Variants in ETFA observed in about 807,000 individuals in gnomAD.
ETFA encodes electron transfer flavoprotein subunit alpha, mitochondrial.
Under a neutral mutation model 46.2 loss-of-function variants are expected in ETFA, and 22 were observed. The ratio of observed to expected loss-of-function variants is 0.48; its 90% confidence interval spans 0.34 to 0.68. ETFA has a LOEUF of 0.68. ETFA is among the 30% of genes least tolerant of loss of function. The probability of loss-of-function intolerance (pLI) is 0.01; values close to 1 mark genes in which losing one functional copy is unlikely to be tolerated. For synonymous variants in ETFA, 131 were observed against 139.9 expected (o/e 0.94, Z 0.45); for missense variants, 345 against 401.1 (o/e 0.86, Z 1.19).
chr15:76,295,860 T>C, intron 1 of ETFA, 123 bp from the exon 2 acceptor site: 1 of 574,298 alleles, frequency 1.7e-6, no homozygotes, highest in South Asian at 2.8e-5. Context: ...AATATTATTC[T>C]ATAAATTTAT....
At chr15:76,266,939 A>T (rs1367679270) in intron 9 of ETFA, among the ~76,000 whole-genome samples, 1 of 152,194 alleles carries the variant, frequency 6.6e-6, no homozygotes, top group East Asian at 1.9e-4. Context: ...GAGATAATTT[A>T]AAAACCTTAA....
intron 9 of ETFA, among the ~76,000 whole-genome samples, chr15:76,256,715 A>G (rs765566764): frequency 4.6e-5 from 7 of 152,266 alleles, no homozygotes; most frequent in Admixed American, 3.3e-4. Flanking sequence ...GGTCAACATT[A>G]CACTGCATAT....
chr15:76,256,878 GTAACA>G (rs1192495516), intron 9 of ETFA, among the ~76,000 whole-genome samples: 1 of 152,132 alleles, frequency 6.6e-6, no homozygotes, highest in Non-Finnish European at 1.5e-5. Context: ...ATTGAGTACA[GTAACA>G]TACTATACAG....
chr15:76,280,917 C>CTTTTTTTTTTTTTTTTT (rs35907442), intron 8 of ETFA, among the ~76,000 whole-genome samples: 1 of 102,064 alleles, frequency 9.8e-6, no homozygotes, highest in Non-Finnish European at 1.8e-5. Context: ...GTTCAGATGT[C>CTTTTTTTTTTTTTTTTT]TTTTTTTTTT....
intron 8 of ETFA, among the ~76,000 whole-genome samples, chr15:76,276,372 TTTG>T (rs772878277): frequency 1.3e-5 from 2 of 152,164 alleles, no homozygotes; most frequent in Admixed American, 6.5e-5. Context: ...GGCTTCAGTA[TTTG>T]TTATTTTTTA....
At chr15:76,255,874 T>G (rs1027108143) in intron 9 of ETFA, among the ~76,000 whole-genome samples, 6 of 152,180 alleles carry the variant, frequency 3.9e-5, no homozygotes, top group South Asian at 2.1e-4. Flanking sequence ...CCAAACTCAC[T>G]GCATTCTTCA....
rs2039392522 is a variant in ETFA at position 76,260,179 on chromosome 15, C to T, written c.816+14233G>A. The T allele has an allele frequency of 2.1e-6, 3 of 1,427,484 alleles. No individual in the cohort carries two copies. The South Asian group carries it at 3.4e-5, about 16-fold the overall frequency. 88.4% of individuals were successfully genotyped at this position (1,427,484 alleles called of 1,614,324 possible). A position where few individuals can be genotyped will look rare whatever the true frequency, so the allele number is the denominator to read the frequency against. On this transcript the variant is annotated intron_variant, in intron 9 of 11. Coordinates refer to ENST00000557943, the MANE Select transcript of ETFA (RefSeq NM_000126.4). Reference sequence around the variant, plus strand: ...AACTGCTGCTCTGGGATGAGCACATCCTCCAGTTTTTCCTTTAGTTCGCTG... The same window carrying T: ...AACTGCTGCTCTGGGATGAGCACATTCTCCAGTTTTTCCTTTAGTTCGCTG...
At chr15:76,249,435 A>ATCTTTTT (rs35513183) in intron 9 of ETFA, among the ~76,000 whole-genome samples, 1 of 74,806 alleles carries the variant, frequency 1.3e-5, no homozygotes, top group Non-Finnish European at 2.6e-5. Context: ...GTCCATGGTA[A>ATCTTTTT]TTTTTTTTTT....
At chr15:76,267,793 A>G (rs776206542) in intron 9 of ETFA, among the ~76,000 whole-genome samples, 2 of 152,238 alleles carry the variant, frequency 1.3e-5, no homozygotes, top group Non-Finnish European at 2.9e-5. Flanking sequence ...ACAAAAGGAA[A>G]ATAAAAAGGC....
At chr15:76,300,208 C>T (rs1438251332) in intron 1 of ETFA, among the ~76,000 whole-genome samples, 2 of 152,168 alleles carry the variant, frequency 1.3e-5, no homozygotes, top group Non-Finnish European at 2.9e-5. Flanking sequence ...AAAGCTCTTT[C>T]CTAAGTGCTA....
chr15:76,227,529 G>T (rs7178627), intron 10 of ETFA, among the ~76,000 whole-genome samples: 4 of 33,872 alleles, frequency 1.2e-4, no homozygotes, highest in South Asian at 1.1e-3. Context: ...AAAAAAAAAA[G>T]GAAAAGCTAT....
At position 76,290,915 on chromosome 15, in the gene ETFA, A is replaced by G. The variant is rs143013369; in HGVS notation, c.351+1516T>C. Among the ~76,000 whole-genome samples the G allele has an allele frequency of 2.8e-3, 420 of 152,276 alleles. 1 individual carries two copies. Among genetic ancestry groups the G allele is most frequent in the African/African-American group, 9.5e-3 (396 of 41,558 alleles). On this transcript the variant is annotated intron_variant, in intron 4 of 11. Coordinates refer to ENST00000557943, the MANE Select transcript of ETFA (RefSeq NM_000126.4). ...GTATTTGTGTACAACTTATTTTACA[A>G]TTTTTAAAAGTGAAAATAGGCTAAG...
intron 9 of ETFA, chr15:76,260,666 G>T: frequency 6.3e-7 from 1 of 1,577,694 alleles, no homozygotes; most frequent in Non-Finnish European, 8.7e-7. Context: ...AAGGGCCCTC[G>T]GGGATCACTT....
chr15:76,301,610 T>C (rs1299010838), intron 1 of ETFA, among the ~76,000 whole-genome samples: 1 of 152,176 alleles, frequency 6.6e-6, no homozygotes, highest in Non-Finnish European at 1.5e-5. Context: ...CTCAGGAGGC[T>C]AAGGCACAAG....
In ETFA at chr15:76,227,114, C is replaced by G. The variant is rs139167311; in HGVS notation, c.883-1185G>C. 5.2e-3 allele frequency among the ~76,000 whole-genome samples: 797 copies of G among 152,002 alleles called. 8 individuals are homozygous for G. The highest frequency in any genetic ancestry group is 0.018 in the African/African-American group (737 of 41,446). Reference sequence around the variant, plus strand: ...TTTGCTATAAAAATATTCTTAAATGCAGGCCAGGCATGGTAACTCATACCT... The same window carrying G: ...TTTGCTATAAAAATATTCTTAAATGGAGGCCAGGCATGGTAACTCATACCT... On this transcript the variant is annotated intron_variant, in intron 10 of 11. Transcript: ENST00000557943.
rs758738181 is a variant in ETFA, at chr15:76,285,621, T to A, written c.664+16A>T. The stretch of plus-strand genomic sequence containing the variant: ...TATTTTCAATTTACATCTTTTAAGA[T>A]TAATATTTCACTTACCACCAGATAC... On this transcript the variant is annotated intron_variant, in intron 7 of 11. Transcript: ENST00000557943. 1 of 1,368,908 alleles carries A rather than the reference T, an allele frequency of 7.3e-7. No homozygotes were observed. The highest frequency in any genetic ancestry group is 1.0e-6 in the Non-Finnish European group (1 of 956,872). The allele number at this position is 1,368,908 out of a possible 1,614,324, so 84.8% of individuals were successfully genotyped here.
intron 1 of ETFA, among the ~76,000 whole-genome samples, chr15:76,296,096 C>T (rs2039820108): frequency 6.6e-6 from 1 of 151,682 alleles, no homozygotes; most frequent in African/African-American, 2.4e-5. Context: ...CAGGCGCCCA[C>T]CACCATGTCG....
rs145314256 is a variant in ETFA, at chr15:76,235,327, C to A, written c.817-3929G>T. ...CTACCATGTACAGCTGAGCAGGCTG[C>A]ACACTGAATAACTCTGAAGGAGGGC... On this transcript the variant is annotated intron_variant, in intron 9 of 11. Coordinates refer to ENST00000557943, the MANE Select transcript of ETFA (RefSeq NM_000126.4). 1.4e-4 allele frequency among the ~76,000 whole-genome samples: 21 copies of A among 152,286 alleles called. 1 individual carries two copies. The East Asian group carries it at 4.0e-3, about 29-fold the overall frequency.
intron 9 of ETFA, chr15:76,261,338 C>A: frequency 7.5e-7 from 1 of 1,326,706 alleles, no homozygotes; most frequent in Admixed American, 1.7e-5. Context: ...ATCTGGGTTT[C>A]GCCCCCATCC....
Sources: gnomAD v4.1 joint callset for allele counts (sites outside exome capture counted in the v4.1 genomes callset) on GRCh38, gnomAD v4.1.1 for gene constraint, MANE v1.5 for transcripts, NCBI Gene and HGNC (gene_info 2026-07-23, HGNC 2026-07-21) for gene names.